KCNH7: variants seen among roughly 807,000 people sequenced by gnomAD.
KCNH7 encodes voltage-gated inwardly rectifying potassium channel KCNH7.
A neutral mutation model predicts 120.8 loss-of-function variants in KCNH7; 49 were observed. The ratio of observed to expected loss-of-function variants is 0.41; its 90% CI spans 0.32 to 0.51. The LOEUF is 0.51. KCNH7 is among the 20% of genes least tolerant of loss of function. KCNH7 has a pLI of 0.38. For missense variants in KCNH7, 1,097 were observed against 1,446.6 expected (o/e 0.76, Z 3.92); for synonymous variants, 547 against 516.1 (o/e 1.06, Z -0.81).
At chr2:162,556,765 T>G (rs1440788376) in intron 2 of KCNH7, among the ~76,000 whole-genome samples, 1 of 152,216 alleles carries the variant, frequency 6.6e-6, no homozygotes, top group East Asian at 1.9e-4. Flanking sequence ...TTCTGAAGAA[T>G]GGACTTCCAC....
intron 2 of KCNH7, among the ~76,000 whole-genome samples, chr2:162,788,337 GCTACAAGAGAACACCA>G (rs978617829): frequency 2.6e-4 from 39 of 152,160 alleles, no homozygotes; most frequent in African/African-American, 9.2e-4. Context: ...AGTTCAATAA[GCTACAAGAGAACACCA>G]CTACCTGAAA....
intron 2 of KCNH7, among the ~76,000 whole-genome samples, chr2:162,699,201 G>A (rs1686402963): frequency 6.6e-6 from 1 of 151,964 alleles, no homozygotes; most frequent in Non-Finnish European, 1.5e-5. Flanking sequence ...CTGAAATTCT[G>A]TATCCTTTGA....
chr2:162,458,826 A>G (rs2105597607), intron 6 of KCNH7, among the ~76,000 whole-genome samples: 1 of 151,996 alleles, frequency 6.6e-6, no homozygotes, highest in Non-Finnish European at 1.5e-5. Flanking sequence ...CAACATAGTG[A>G]GACTTTGTTT....
Position 162,679,846 on chromosome 2 carries a change from T to C in KCNH7, c.308-142766A>G, listed in dbSNP as rs188634866. Among the ~76,000 whole-genome samples the C allele has an allele frequency of 4.8e-4, 73 of 151,866 alleles. 1 individual carries two copies. The highest frequency in any genetic ancestry group is 1.6e-3 in the African/African-American group (67 of 41,532). ...GCCTTCTGAAACATCTTTCTGAATT[T>C]GAATTAATGTGCTTTTGAAGAACCT... is the stretch of plus-strand genomic sequence containing the variant. On this transcript the variant is annotated intron_variant, in intron 2 of 15. Transcript: ENST00000332142.
intron 2 of KCNH7, among the ~76,000 whole-genome samples, chr2:162,555,995 G>A (rs543190199): frequency 1.3e-5 from 2 of 152,012 alleles, no homozygotes; most frequent in African/African-American, 2.4e-5. Context: ...TAATAAATTA[G>A]AACATGATGT....
chr2:162,460,093 CA>C (rs575038181), intron 6 of KCNH7, among the ~76,000 whole-genome samples: 2,043 of 47,928 alleles, frequency 0.043, 67 homozygotes, highest in East Asian at 0.21. Context: ...GACTCCATCT[CA>C]AAAAAAAAAA....
intron 7 of KCNH7, 124 bp downstream of exon 7, chr2:162,445,894 T>C (rs1466971642): frequency 2.7e-6 from 2 of 750,488 alleles, no homozygotes; most frequent in African/African-American, 3.5e-5. Context: ...TATCCCCAAT[T>C]GAAAATGAAT....
At chr2:162,701,824 T>A (rs2105344364) in intron 2 of KCNH7, among the ~76,000 whole-genome samples, 1 of 152,234 alleles carries the variant, frequency 6.6e-6, no homozygotes, top group African/African-American at 2.4e-5. Flanking sequence ...CTGGTCAGCA[T>A]GGTGAAACCC....
intron 7 of KCNH7, among the ~76,000 whole-genome samples, chr2:162,442,924 T>A (rs898438775): frequency 4.6e-5 from 7 of 152,302 alleles, no homozygotes; most frequent in African/African-American, 1.7e-4. Flanking sequence ...ATTTGTTTAT[T>A]TATGTACTTA....
At chr2:162,449,770 A>T (rs1460173959) in intron 6 of KCNH7, among the ~76,000 whole-genome samples, 2 of 152,128 alleles carry the variant, frequency 1.3e-5, no homozygotes, top group Non-Finnish European at 2.9e-5. Context: ...TCAGACTTCT[A>T]GACCACAGAA....
chr2:162,740,912 T>A (rs183555728), intron 2 of KCNH7, among the ~76,000 whole-genome samples: 1 of 152,304 alleles, frequency 6.6e-6, no homozygotes, highest in Admixed American at 6.5e-5. Context: ...TTTCGGACTT[T>A]CTGGGTTTGG....
chr2:162,459,473 A>G (rs546845456), intron 6 of KCNH7, among the ~76,000 whole-genome samples: 8 of 152,134 alleles, frequency 5.3e-5, no homozygotes, highest in Non-Finnish European at 1.2e-4. Flanking sequence ...CCCATTTGCA[A>G]TCAGGTATGG....
intron 2 of KCNH7, among the ~76,000 whole-genome samples, chr2:162,637,980 C>A (rs1053025372): frequency 6.6e-6 from 1 of 151,974 alleles, no homozygotes; most frequent in Admixed American, 6.6e-5. Flanking sequence ...CAATGGCAAG[C>A]CTATGGAGGA....
intron 2 of KCNH7, among the ~76,000 whole-genome samples, chr2:162,555,476 G>C (rs981975176): frequency 6.6e-6 from 1 of 152,134 alleles, no homozygotes; most frequent in Non-Finnish European, 1.5e-5. Flanking sequence ...GTTTCAGTCA[G>C]TTTCTTAGAA....
At position 162,379,835 on chromosome 2, in the gene KCNH7, G is replaced by GC; in HGVS notation, c.3131+17dup. 1 of 1,612,194 alleles carries GC rather than the reference G, an allele frequency of 6.2e-7. No homozygotes were observed. The highest frequency in any genetic ancestry group is 8.5e-7 in the Non-Finnish European group (1 of 1,178,892). ...AGGGGTTGGGTTATGTTCTCCTTTTGCCCATCACTGCTTATACCTGTTAAG... is the reference window on the plus strand; with the variant it reads ...AGGGGTTGGGTTATGTTCTCCTTTTGCCCCATCACTGCTTATACCTGTTAAG... On this transcript the variant is annotated intron_variant, in intron 14 of 15. Transcript: ENST00000332142.
At chr2:162,625,840 G>A (rs997888721) in intron 2 of KCNH7, among the ~76,000 whole-genome samples, 1 of 152,140 alleles carries the variant, frequency 6.6e-6, no homozygotes, top group Non-Finnish European at 1.5e-5. Flanking sequence ...TGAGATGTGT[G>A]TGAGGTGACA....
intron 2 of KCNH7, among the ~76,000 whole-genome samples, chr2:162,758,721 G>C (rs1427318012): frequency 1.3e-5 from 2 of 151,954 alleles, no homozygotes; most frequent in East Asian, 1.9e-4. Flanking sequence ...TATACCAAAG[G>C]CTTTATAATT....
chr2:162,578,384 T>C (rs955464647), intron 2 of KCNH7, among the ~76,000 whole-genome samples: 20 of 152,142 alleles, frequency 1.3e-4, no homozygotes, highest in African/African-American at 4.8e-4. Flanking sequence ...GTCCTTATCA[T>C]GTCCTGGTAA....
At chr2:162,581,742 A>C (rs192841673) in intron 2 of KCNH7, among the ~76,000 whole-genome samples, 1 of 152,178 alleles carries the variant, frequency 6.6e-6, no homozygotes, top group East Asian at 1.9e-4. Context: ...TATTGGGAAA[A>C]ATGTGATATC....
Sources: allele counts gnomAD v4.1 joint callset (sites outside exome capture counted in the v4.1 genomes callset), GRCh38; gene constraint gnomAD v4.1.1; transcripts MANE v1.5; gene names NCBI Gene and HGNC (gene_info 2026-07-23, HGNC 2026-07-21).